Variants in VAC14 observed in about 807,000 individuals in gnomAD.
VAC14 encodes the protein protein VAC14 homolog.
Under a neutral mutation model 85.3 loss-of-function variants are expected in VAC14, and 47 were observed. The ratio of observed to expected loss-of-function variants is 0.55; its 90% CI spans 0.44 to 0.70. The LOEUF is 0.70. Ranked by LOEUF, VAC14 falls within the 30% of genes least tolerant of loss-of-function variation. The pLI, the probability that VAC14 is intolerant of heterozygous loss-of-function variation, is 0.00. For missense variants in VAC14, 861 were observed against 1,004.3 expected (o/e 0.86, Z 1.93); for synonymous variants, 447 against 430.5 (o/e 1.04, Z -0.47).
chr16:70,749,192 G>A (rs1355470037), intron 12 of VAC14, among the ~76,000 whole-genome samples: 1 of 152,126 alleles, frequency 6.6e-6, no homozygotes, highest in African/African-American at 2.4e-5. Context: ...CTGTTCCCTG[G>A]CCCAGGCTTA....
chr16:70,756,135 A>G (rs757343430), intron 12 of VAC14: 69 of 456,170 alleles, frequency 1.5e-4, no homozygotes, highest in Non-Finnish European at 2.7e-4. Flanking sequence ...TGGAGAAGGA[A>G]AGGGGCACGC....
chr16:70,774,966 G>A (rs1451063518), intron 9 of VAC14, among the ~76,000 whole-genome samples: 1 of 151,702 alleles, frequency 6.6e-6, no homozygotes, highest in Non-Finnish European at 1.5e-5. Flanking sequence ...TGGCCAGGCT[G>A]GTGTCAAACT....
chr16:70,780,664 C>G, intron 9 of VAC14, 126 bp downstream of exon 9: 1 of 1,258,042 alleles, frequency 7.9e-7, no homozygotes, highest in Non-Finnish European at 1.1e-6. Context: ...GTTGCTGCTA[C>G]AATTGTGTGA....
At chr16:70,740,117 C>T (rs542385439) in intron 13 of VAC14, among the ~76,000 whole-genome samples, 39 of 152,054 alleles carry the variant, frequency 2.6e-4, no homozygotes, top group Non-Finnish European at 4.9e-4. Context: ...CGCACCACTA[C>T]GCCCAGCTAA....
intron 12 of VAC14, among the ~76,000 whole-genome samples, chr16:70,760,210 C>T (rs1446995981): frequency 1.3e-5 from 2 of 152,126 alleles, no homozygotes; most frequent in African/African-American, 4.8e-5. Flanking sequence ...TCCTGCTTAA[C>T]CTAACAAGCT....
intron 14 of VAC14, among the ~76,000 whole-genome samples, chr16:70,704,320 G>GGCA (rs1276369915): frequency 1.3e-5 from 2 of 152,246 alleles, no homozygotes; most frequent in Non-Finnish European, 2.9e-5. Context: ...GTGGGAGAAA[G>GGCA]GCATGGATGG....
chr16:70,784,007 G>T, intron 5 of VAC14, 106 bp downstream of exon 5: 1 of 882,234 alleles, frequency 1.1e-6, no homozygotes, highest in South Asian at 1.5e-5. Context: ...GGCTATTCAA[G>T]GGAGAACATG....
chr16:70,710,499 G>A (rs948310002), intron 14 of VAC14, among the ~76,000 whole-genome samples: 3 of 152,216 alleles, frequency 2.0e-5, no homozygotes, highest in African/African-American at 7.2e-5. Context: ...GAGTAAGGTG[G>A]CCAGAGCTAC....
intron 12 of VAC14, among the ~76,000 whole-genome samples, chr16:70,749,741 G>A (rs552609939): frequency 1.6e-4 from 24 of 152,326 alleles, no homozygotes; most frequent in Non-Finnish European, 2.8e-4. Flanking sequence ...GCTGATACCC[G>A]GCTTCTGTGC....
intron 12 of VAC14, chr16:70,744,882 C>A: frequency 6.2e-6 from 2 of 320,934 alleles, no homozygotes; most frequent in Non-Finnish European, 1.1e-5. Context: ...GAACAGGGCT[C>A]TGAGGGTCCC....
intron 15 of VAC14, 103 bp from the exon 16 acceptor site, chr16:70,697,360 G>A (rs1436366149): frequency 2.2e-6 from 2 of 904,334 alleles, no homozygotes; most frequent in Non-Finnish European, 3.4e-6. Flanking sequence ...AGTCCCAGGG[G>A]CCTTCAGTCG....
At chr16:70,772,468 A>T (rs2033289093) in intron 9 of VAC14, 1 of 336,754 alleles carries the variant, frequency 3.0e-6, no homozygotes, top group Admixed American at 4.5e-5. Flanking sequence ...GATGTTTAAA[A>T]TGACAGATAA....
chr16:70,786,774 G>C (rs1407147117), intron 1 of VAC14, among the ~76,000 whole-genome samples: 1 of 152,324 alleles, frequency 6.6e-6, no homozygotes, highest in South Asian at 2.1e-4. Flanking sequence ...ACACATAGCT[G>C]AATCAGGCCC....
At chr16:70,717,038 A>C (rs1235244856) in intron 14 of VAC14, 1 of 152,200 alleles carries the variant, frequency 6.6e-6, no homozygotes, top group African/African-American at 2.4e-5. Flanking sequence ...TGAGCATTTA[A>C]ACCCAGACCA....
intron 12 of VAC14, among the ~76,000 whole-genome samples, chr16:70,748,193 A>G (rs1247669954): frequency 6.6e-6 from 1 of 152,182 alleles, no homozygotes; most frequent in Non-Finnish European, 1.5e-5. Flanking sequence ...CCTGACATCC[A>G]ATCCTGACCC....
chr16:70,784,304 C>A, intron 4 of VAC14, 84 bp from the exon 5 acceptor site: 1 of 1,166,922 alleles, frequency 8.6e-7, no homozygotes, highest in Admixed American at 1.9e-5. Context: ...AGGGCTGGCT[C>A]CAGCGCTCAG....
At chr16:70,694,019 T>C (rs1194879830) in intron 17 of VAC14, among the ~76,000 whole-genome samples, 2 of 152,208 alleles carry the variant, frequency 1.3e-5, no homozygotes, top group Non-Finnish European at 1.5e-5. Flanking sequence ...CGCGAGCCTG[T>C]TTCCAGTCCT....
chr16:70,719,050 T>TC (rs1423677991), intron 14 of VAC14, among the ~76,000 whole-genome samples: 1 of 152,120 alleles, frequency 6.6e-6, no homozygotes, highest in African/African-American at 2.4e-5. Flanking sequence ...GGTTCCCAGC[T>TC]CCAGGCTGCA....
Position 70,800,710 on chromosome 16 carries a change from C to A in VAC14, c.104+87G>T, listed in dbSNP as rs1331098531. 7.4e-6 allele frequency: 9 copies of A among 1,217,234 alleles called. No individual in the cohort carries two copies. In the East Asian group the frequency reaches 1.8e-4, roughly 25 times the overall value. The allele number at this position is 1,217,234 out of a possible 1,614,324, so 75.4% of individuals were successfully genotyped here. A position where few individuals can be genotyped will look rare whatever the true frequency, so the allele number is the denominator to read the frequency against. Reference sequence around the variant, plus strand: ...AAGGGCCTAAAACCTGGGAAAGTAACCCTGGCTGGGAAGGCGTGAGAAGTC... The same window carrying A: ...AAGGGCCTAAAACCTGGGAAAGTAAACCTGGCTGGGAAGGCGTGAGAAGTC... On this transcript the variant is annotated intron_variant, in intron 1 of 18. Transcript: ENST00000261776.
Sources: allele counts gnomAD v4.1 joint callset (sites outside exome capture counted in the v4.1 genomes callset), GRCh38; gene constraint gnomAD v4.1.1; transcripts MANE v1.5; gene names NCBI Gene and HGNC (gene_info 2026-07-23, HGNC 2026-07-21).